Variants in GULP1 observed in about 807,000 individuals in gnomAD.
GULP1 encodes GULP PTB domain containing engulfment adaptor 1, also known as PTB domain-containing engulfment adapter protein 1.
GULP1 carries 19 observed loss-of-function variants against 40.9 expected under a neutral mutation model. The observed-to-expected ratio is 0.46, with a 90% CI of 0.32 to 0.68. The LOEUF is 0.68. GULP1 is among the 30% of genes least tolerant of loss of function. GULP1 has a pLI of 0.03. For synonymous variants in GULP1, 119 were observed against 117.6 expected, an observed-to-expected ratio of 1.01 and a Z score of -0.08; for missense variants, 312 against 362.2, an observed-to-expected ratio of 0.86 and a Z score of 1.12.
intron 2 of GULP1, among the ~76,000 whole-genome samples, chr2:188,467,442 T>C (rs2060218768): frequency 6.6e-6 from 1 of 152,182 alleles, no homozygotes; most frequent in Admixed American, 6.5e-5. Flanking sequence ...TTTATGTTTT[T>C]CTCTATGGTA....
At chr2:188,314,755 G>T (rs2038795904) in intron 1 of GULP1, among the ~76,000 whole-genome samples, 1 of 152,058 alleles carries the variant, frequency 6.6e-6, no homozygotes, top group East Asian at 1.9e-4. Flanking sequence ...ATTGTGGTTG[G>T]AAAATATTAA....
At chr2:188,459,859 A>G (rs907743069) in intron 2 of GULP1, among the ~76,000 whole-genome samples, 3 of 152,094 alleles carry the variant, frequency 2.0e-5, no homozygotes, top group Admixed American at 1.3e-4. Context: ...TCTTTTGCAT[A>G]TGGATGTTCA....
At chr2:188,557,765 G>A (rs1178884606) in intron 7 of GULP1, among the ~76,000 whole-genome samples, 1 of 152,164 alleles carries the variant, frequency 6.6e-6, no homozygotes, top group African/African-American at 2.4e-5. Flanking sequence ...CTCCAATCTT[G>A]CAGCAAGGCT....
intron 2 of GULP1, among the ~76,000 whole-genome samples, chr2:188,453,126 TG>T (rs1158560626): frequency 1.3e-5 from 2 of 152,110 alleles, no homozygotes; most frequent in African/African-American, 4.8e-5. Flanking sequence ...CTTTTTAATA[TG>T]GAATTACTCA....
intron 2 of GULP1, among the ~76,000 whole-genome samples, chr2:188,423,707 A>G (rs1258879897): frequency 6.6e-6 from 1 of 151,848 alleles, no homozygotes; most frequent in Non-Finnish European, 1.5e-5. Flanking sequence ...TTAACATGTT[A>G]AAATAGTTTT....
At chr2:188,542,588 C>A (rs1373717764) in intron 7 of GULP1, among the ~76,000 whole-genome samples, 6 of 151,904 alleles carry the variant, frequency 3.9e-5, no homozygotes, top group African/African-American at 9.7e-5. Flanking sequence ...TATCATAATA[C>A]CTTTTGTGAA....
chr2:188,453,432 ACT>A (rs1259580750), intron 2 of GULP1, among the ~76,000 whole-genome samples: 2 of 151,986 alleles, frequency 1.3e-5, no homozygotes, highest in African/African-American at 4.8e-5. Context: ...CTTCATAGTA[ACT>A]CATTATATGT....
At chr2:188,580,839 G>A (rs1701166036) in intron 9 of GULP1, among the ~76,000 whole-genome samples, 1 of 152,114 alleles carries the variant, frequency 6.6e-6, no homozygotes, top group African/African-American at 2.4e-5. Flanking sequence ...TCAAAAATCA[G>A]ATTATTTTTG....
intron 2 of GULP1, among the ~76,000 whole-genome samples, chr2:188,477,195 A>G (rs1018383041): frequency 3.5e-4 from 53 of 152,154 alleles, no homozygotes; most frequent in African/African-American, 1.2e-3. Flanking sequence ...GTGTAAAACA[A>G]TCTTAAGTGG....
intron 4 of GULP1, among the ~76,000 whole-genome samples, chr2:188,511,837 A>C (rs1409762819): frequency 6.6e-6 from 1 of 152,186 alleles, no homozygotes; most frequent in South Asian, 2.1e-4. Context: ...ATATTTTAAA[A>C]ATTTTCTATC....
Position 188,429,854 on chromosome 2 carries a change from G to GCAC in GULP1, c.-45+45967_-45+45969dup, listed in dbSNP as rs563761992. Among the ~76,000 whole-genome samples the GCAC allele has an allele frequency of 2.3e-3, 344 of 151,778 alleles. 1 individual carries two copies. The highest frequency in any genetic ancestry group is 7.9e-3 in the African/African-American group (325 of 41,136). ...GCCTCCCGAGTAGCTGGGACTACGG[G>GCAC]CACCTGCCACCATGCCCGGCTAATT... On this transcript the variant is annotated intron_variant, in intron 2 of 11. Transcript: ENST00000409830.
intron 7 of GULP1, among the ~76,000 whole-genome samples, chr2:188,552,401 A>G (rs571388764): frequency 2.0e-5 from 3 of 151,940 alleles, no homozygotes; most frequent in East Asian, 3.9e-4. Context: ...AGCACCATTA[A>G]TTGAAGAGGA....
chr2:188,333,064 G>A (rs1262110299), intron 1 of GULP1, among the ~76,000 whole-genome samples: 1 of 151,958 alleles, frequency 6.6e-6, no homozygotes, highest in African/African-American at 2.4e-5. Flanking sequence ...AGGCAATATA[G>A]TGAGACCTCG....
At chr2:188,308,424 A>G (rs1300781734) in intron 1 of GULP1, among the ~76,000 whole-genome samples, 3 of 152,212 alleles carry the variant, frequency 2.0e-5, no homozygotes, top group East Asian at 1.9e-4. Flanking sequence ...GCTTTTGACC[A>G]TCTTTTCCCC....
At chr2:188,319,794 A>G (rs1176039332) in intron 1 of GULP1, among the ~76,000 whole-genome samples, 1 of 152,038 alleles carries the variant, frequency 6.6e-6, no homozygotes, top group Non-Finnish European at 1.5e-5. Context: ...TTAGATTTTT[A>G]TTTTGTTGAT....
chr2:188,432,675 A>G (rs1286534797), intron 2 of GULP1, among the ~76,000 whole-genome samples: 2 of 152,136 alleles, frequency 1.3e-5, no homozygotes, highest in Non-Finnish European at 2.9e-5. Context: ...AAAAAAATGT[A>G]TATTGATGAT....
rs115310084 is a variant in GULP1 at position 188,376,002 on chromosome 2, G to A, written c.-171-7761G>A. Among the ~76,000 whole-genome samples the A allele has an allele frequency of 5.7e-3, 866 of 151,970 alleles. 11 individuals carry two copies. Among genetic ancestry groups the A allele is most frequent in the African/African-American group, 0.02 (821 of 41,414 alleles). On this transcript the variant is annotated intron_variant, in intron 1 of 11. Transcript: ENST00000409830. ...TGAAAAGCCAGCCCTCCATATCCAC[G>A]TTTTACATTCTGTGAATACCAGTAC...
intron 4 of GULP1, among the ~76,000 whole-genome samples, chr2:188,487,606 A>G (rs1285146373): frequency 1.4e-5 from 2 of 139,994 alleles, no homozygotes; most frequent in Admixed American, 7.6e-5. Context: ...CTTCTAAACT[A>G]TGGAACATCT....
intron 4 of GULP1, among the ~76,000 whole-genome samples, chr2:188,503,629 A>G (rs1424406195): frequency 6.6e-6 from 1 of 151,852 alleles, no homozygotes; most frequent in Non-Finnish European, 1.5e-5. Context: ...TGTGTTGCCC[A>G]AGTCAATTCT....
Sources: allele counts gnomAD v4.1 joint callset (sites outside exome capture counted in the v4.1 genomes callset), GRCh38; gene constraint gnomAD v4.1.1; transcripts MANE v1.5; gene names NCBI Gene and HGNC (gene_info 2026-07-23, HGNC 2026-07-21).